RGS22: variants seen among roughly 807,000 people sequenced by gnomAD.
RGS22 encodes regulator of G protein signaling 22, also known as regulator of G-protein signaling 22.
In RGS22, 148 loss-of-function variants were observed where a neutral mutation model predicts 172.9. The ratio of observed to expected loss-of-function variants is 0.86; its 90% confidence interval spans 0.75 to 0.98. The LOEUF (loss-of-function observed/expected upper bound fraction) is 0.98. Ranked by LOEUF, RGS22 falls within the 50% of genes least tolerant of loss-of-function variation. The pLI is 0.00. For synonymous variants in RGS22, 458 were observed against 480.2 expected, an observed-to-expected ratio of 0.95 and a Z score of 0.60; for missense variants, 1,347 against 1,440.8, an observed-to-expected ratio of 0.93 and a Z score of 1.05.
At chr8:99,983,481 G>GT (rs1376066927) in intron 21 of RGS22, among the ~76,000 whole-genome samples, 1 of 151,972 alleles carries the variant, frequency 6.6e-6, no homozygotes, top group Non-Finnish European at 1.5e-5. Context: ...TTTTCTGACC[G>GT]TTTAATAATA....
intron 23 of RGS22, among the ~76,000 whole-genome samples, chr8:99,966,349 T>C (rs947166622): frequency 3.3e-5 from 5 of 151,950 alleles, no homozygotes; most frequent in Non-Finnish European, 7.4e-5. Flanking sequence ...GGGTGATGAG[T>C]ATACTTCAAA....
In RGS22 at chr8:100,001,668, A is replaced by C. The variant is rs560290087; in HGVS notation, c.2790+534T>G. Among the ~76,000 whole-genome samples the C allele has an allele frequency of 1.6e-4, 25 of 152,324 alleles. No homozygotes were observed. In the South Asian group the frequency reaches 5.2e-3, roughly 32 times the overall value. ...GGTCAATAAAAATATTTTCTGGGGA[A>C]AATACAATTGTAAGGAGGATTTTCT... On this transcript the variant is annotated intron_variant, in intron 18 of 27. Transcript: ENST00000360863.
At chr8:100,018,259 A>T (rs571119102) in intron 14 of RGS22, among the ~76,000 whole-genome samples, 2 of 152,106 alleles carry the variant, frequency 1.3e-5, no homozygotes, top group Admixed American at 6.5e-5. Context: ...AATCTTTTAC[A>T]GTACTGAAAT....
intron 11 of RGS22, among the ~76,000 whole-genome samples, chr8:100,046,057 C>A (rs1343780040): frequency 3.3e-5 from 5 of 151,780 alleles, no homozygotes; most frequent in African/African-American, 1.2e-4. Flanking sequence ...ATTGCTATAG[C>A]ACAATCACTG....
chr8:99,995,825 A>G (rs909019747), intron 20 of RGS22, among the ~76,000 whole-genome samples: 3 of 152,204 alleles, frequency 2.0e-5, no homozygotes, highest in East Asian at 3.8e-4. Context: ...TGTTTATTGC[A>G]GCACTATTCA....
intron 14 of RGS22, among the ~76,000 whole-genome samples, chr8:100,009,891 G>A (rs892856770): frequency 1.1e-3 from 171 of 152,316 alleles, no homozygotes; most frequent in African/African-American, 4.0e-3. Context: ...ATGAACAAGA[G>A]TCAATGCCTA....
At position 100,072,205 on chromosome 8, in the gene RGS22, T is replaced by A; in HGVS notation, c.365A>T (p.Lys122Met). Reference protein sequence around the residue: ...IMCLSREEGIKWIKKERLPAF... With the variant: ...IMCLSREEGIMWIKKERLPAF... ...TGGAAGTCTTTCTTTTTTGATCCAC[T>A]TAATACCTTCTTCACGACTGAGACA... Residue 122 changes from lysine (K) to methionine (M), a missense_variant, in exon 5 of 28, where the codon AAG becomes ATG. Physicochemically the swap from Lys to Met is moderately conservative, Grantham distance 95. Coordinates refer to ENST00000360863, the MANE Select transcript of RGS22 (RefSeq NM_015668.5). The A allele has an allele frequency of 6.3e-7, 1 of 1,599,042 alleles. No homozygotes were observed. The highest frequency in any genetic ancestry group is 8.5e-7 in the Non-Finnish European group (1 of 1,174,270).
chr8:100,042,593 C>A (rs1820254472), intron 11 of RGS22: 1 of 151,976 alleles, frequency 6.6e-6, no homozygotes, highest in Admixed American at 6.5e-5. Context: ...ATTTTTTTAT[C>A]CAGCTCCCTC....
intron 11 of RGS22, among the ~76,000 whole-genome samples, chr8:100,045,616 T>C (rs2980537): frequency 0.18 from 27,276 of 151,988 alleles, 3,275 homozygotes; most frequent in Non-Finnish European, 0.27. Context: ...AAGTATAAGT[T>C]GTTATAACTC....
At chr8:100,058,829 T>C (rs968636195) in intron 9 of RGS22, among the ~76,000 whole-genome samples, 1 of 152,058 alleles carries the variant, frequency 6.6e-6, no homozygotes, top group Non-Finnish European at 1.5e-5. Flanking sequence ...AGGTAATAAA[T>C]AGCAAGTAAA....
chr8:100,071,682 C>A (rs1252767965), intron 5 of RGS22, 145 bp from the exon 6 acceptor site: 7 of 536,274 alleles, frequency 1.3e-5, no homozygotes, highest in Middle Eastern at 4.2e-4. Flanking sequence ...AAATTAATAG[C>A]TTATTCATAA....
chr8:99,972,172 G>A (rs1811435899), intron 23 of RGS22, among the ~76,000 whole-genome samples: 1 of 152,082 alleles, frequency 6.6e-6, no homozygotes, highest in Non-Finnish European at 1.5e-5. Flanking sequence ...TTTAATAAAT[G>A]GTGTTGGGAA....
Position 100,023,272 on chromosome 8 carries a change from C to T in RGS22, c.2167-14703G>A, listed in dbSNP as rs535734917. ...TAACTGTATGAACCCTATGAATATT[C>T]TCTCCATCAAAATCTTTCAGGCTGA... On this transcript the variant is annotated intron_variant, in intron 14 of 27. Transcript: ENST00000360863. Among the ~76,000 whole-genome samples, 15 of 152,230 alleles carry T rather than the reference C, an allele frequency of 9.9e-5. No homozygotes were observed. The South Asian group carries it at 3.1e-3, about 32-fold the overall frequency.
chr8:100,064,685 TAA>T (rs1810414729), intron 7 of RGS22, among the ~76,000 whole-genome samples: 1 of 152,164 alleles, frequency 6.6e-6, no homozygotes, highest in African/African-American at 2.4e-5. Context: ...GACTAATATA[TAA>T]TATCAATATA....
At position 100,004,116 on chromosome 8, in the gene RGS22, T is replaced by G; in HGVS notation, c.2455-18A>C. On this transcript the variant is annotated intron_variant, in intron 16 of 27. Coordinates refer to ENST00000360863, the MANE Select transcript of RGS22 (RefSeq NM_015668.5). ...GTGGTGTCCTAGTGAAATAGTACTT[T>G]TCAGCAAAAATCTCTTAAACACAAC... 1 of 1,569,112 alleles carries G rather than the reference T, an allele frequency of 6.4e-7. No homozygotes were observed. Among genetic ancestry groups the G allele is most frequent in the Non-Finnish European group, 8.6e-7 (1 of 1,157,732 alleles).
rs1006220756 is a variant in RGS22 at position 100,098,834 on chromosome 8, T to C, written c.55-5325A>G. Among the ~76,000 whole-genome samples, 5 of 77,526 alleles carry C rather than the reference T, an allele frequency of 6.4e-5. 1 individual carries two copies. Among genetic ancestry groups the C allele is most frequent in the African/African-American group, 4.2e-4 (5 of 12,022 alleles). The allele number at this position is 77,526 out of a possible 152,430, so 50.9% of individuals were successfully genotyped here. On this transcript the variant is annotated intron_variant, in intron 2 of 27. Coordinates refer to ENST00000360863, the MANE Select transcript of RGS22 (RefSeq NM_015668.5). ...GATGCTCCCCTGCCCCTGACCCCCT[T>C]TTATTTTTTTATTTATTTTATTATT...
At chr8:100,039,236 T>C (rs911211737) in intron 13 of RGS22, among the ~76,000 whole-genome samples, 6 of 152,210 alleles carry the variant, frequency 3.9e-5, no homozygotes, top group African/African-American at 1.2e-4. Context: ...TATTTTTGCA[T>C]GTATGCCTCT....
chr8:99,965,492 A>C, intron 23 of RGS22, 62 bp from the exon 24 acceptor site: 1 of 1,220,166 alleles, frequency 8.2e-7, no homozygotes, highest in Non-Finnish European at 1.2e-6. Context: ...ATATAAACTT[A>C]TGGCTAAGGA....
Position 100,038,980 on chromosome 8 carries a change from AGCT to A in RGS22, c.2114_2116del (p.Gln705del). 1 of 1,613,200 alleles carries A rather than the reference AGCT, an allele frequency of 6.2e-7. No homozygotes were observed. Among genetic ancestry groups the A allele is most frequent in the Non-Finnish European group, 8.5e-7 (1 of 1,179,510 alleles). On this transcript the variant is annotated inframe_deletion, in exon 14 of 28. Coordinates refer to ENST00000360863, the MANE Select transcript of RGS22 (RefSeq NM_015668.5). The stretch of plus-strand genomic sequence containing the variant: ...AGGCTGAAGTGTTTCTTGGTAGAAA[AGCT>A]GATGATAAGCCTGCAGGTCAAACCA...
Sources: allele counts gnomAD v4.1 joint callset (sites outside exome capture counted in the v4.1 genomes callset), GRCh38; gene constraint gnomAD v4.1.1; transcripts MANE v1.5; gene names NCBI Gene and HGNC (gene_info 2026-07-23, HGNC 2026-07-21).